Variants in LRP12 observed in about 807,000 individuals in gnomAD.
LRP12 encodes the protein low-density lipoprotein receptor-related protein 12.
LRP12 carries 14 observed loss-of-function variants against 66.0 expected under a neutral mutation model. That is an observed-to-expected ratio of 0.21 (90% CI 0.14 to 0.33). The LOEUF is 0.33. Ranked by LOEUF, LRP12 falls within the 10% of genes least tolerant of loss-of-function variation. The probability of loss-of-function intolerance (pLI) is 1.00; values close to 1 mark genes in which losing one functional copy is unlikely to be tolerated. For synonymous variants in LRP12, 357 were observed against 359.1 expected, an observed-to-expected ratio of 0.99 and a Z score of 0.07; for missense variants, 889 against 1,053.4, an observed-to-expected ratio of 0.84 and a Z score of 2.16.
chr8:104,489,623 G>A lies in LRP12; in HGVS notation c.*1050C>T, dbSNP rs1257981422. 1 of 151,976 alleles carries A rather than the reference G, an allele frequency of 6.6e-6. No homozygotes were observed. The highest frequency in any genetic ancestry group is 1.5e-5 in the Non-Finnish European group (1 of 67,978). 9.4% of individuals were successfully genotyped at this position (151,976 alleles called of 1,614,324 possible). ...TTGAAAAAATCACTCTTACAACAAT[G>A]TATTTTTTAAATACAACAAATAAAT... On this transcript the variant is annotated 3_prime_UTR_variant, in exon 7 of 7. Coordinates refer to ENST00000276654, the MANE Select transcript of LRP12 (RefSeq NM_013437.5).
chr8:104,574,407 T>C (rs546122801), intron 1 of LRP12, among the ~76,000 whole-genome samples: 2 of 152,340 alleles, frequency 1.3e-5, no homozygotes, highest in South Asian at 4.1e-4. Flanking sequence ...AGAATTATCT[T>C]ATGCTAATAT....
At chr8:104,548,415 A>C (rs1564142362) in intron 1 of LRP12, among the ~76,000 whole-genome samples, 18 of 107,868 alleles carry the variant, frequency 1.7e-4, no homozygotes, top group African/African-American at 7.1e-4. Context: ...TATATGATAT[A>C]TTAATAATTA....
At chr8:104,537,711 CAT>C (rs531441698) in intron 1 of LRP12, among the ~76,000 whole-genome samples, 299 of 152,090 alleles carry the variant, frequency 2.0e-3, no homozygotes, top group African/African-American at 7.0e-3. Context: ...TCAAGATGAA[CAT>C]ATAGATATAT....
intron 1 of LRP12, among the ~76,000 whole-genome samples, chr8:104,543,412 C>T (rs1811508465): frequency 6.6e-6 from 1 of 152,004 alleles, no homozygotes; most frequent in African/African-American, 2.4e-5. Context: ...CTTTGAGGTG[C>T]CATAACATGA....
chr8:104,588,999 G>GCCT lies in LRP12; in HGVS notation c.-103_-102insAGG. On this transcript the variant is annotated 5_prime_UTR_variant, in exon 1 of 7. Coordinates refer to ENST00000276654, the MANE Select transcript of LRP12 (RefSeq NM_013437.5). The stretch of plus-strand genomic sequence containing the variant: ...CGCCGCCGCCGCCGCCGCCGCCGCC[G>GCCT]AGCCACCGGCTGCTCCCTGCGCTCT... The GCCT allele has an allele frequency of 1.1e-6, 1 of 870,464 alleles. No individual in the cohort carries two copies. Among genetic ancestry groups the GCCT allele is most frequent in the South Asian group, 1.8e-5 (1 of 56,182 alleles). 53.9% of individuals were successfully genotyped at this position (870,464 alleles called of 1,614,324 possible).
intron 1 of LRP12, among the ~76,000 whole-genome samples, chr8:104,548,388 A>C (rs1433622889): frequency 1.2e-5 from 1 of 81,886 alleles, no homozygotes; most frequent in Non-Finnish European, 2.0e-5. Flanking sequence ...ATAAATATAT[A>C]ATATATATTA....
intron 1 of LRP12, among the ~76,000 whole-genome samples, chr8:104,542,514 T>C (rs908206682): frequency 1.3e-5 from 2 of 152,214 alleles, no homozygotes; most frequent in African/African-American, 4.8e-5. Context: ...GACAGTCTAA[T>C]TTACCTATGT....
intron 1 of LRP12, among the ~76,000 whole-genome samples, chr8:104,542,143 T>A (rs1811487963): frequency 6.6e-6 from 1 of 152,172 alleles, no homozygotes; most frequent in South Asian, 2.1e-4. Context: ...TTTCTCCACA[T>A]CCTTGACAAC....
chr8:104,561,682 G>A (rs1389691390), intron 1 of LRP12, among the ~76,000 whole-genome samples: 4 of 152,084 alleles, frequency 2.6e-5, no homozygotes, highest in Non-Finnish European at 5.9e-5. Flanking sequence ...TATAAACCAA[G>A]GAGTTTTTAT....
intron 1 of LRP12, among the ~76,000 whole-genome samples, chr8:104,586,059 G>A (rs574752307): frequency 6.6e-6 from 1 of 152,238 alleles, no homozygotes; most frequent in African/African-American, 2.4e-5. Context: ...AAAGGTGGCA[G>A]AGGTCAACCT....
rs1264499772 is a variant in LRP12 at position 104,516,258 on chromosome 8, G to T, written c.137-7184C>A. The stretch of plus-strand genomic sequence containing the variant: ...AGATAGCAACTTTCAAACGTAGATA[G>T]CATCTTCTTAGTAGGAACCTACAGG... On this transcript the variant is annotated intron_variant, in intron 2 of 6. Transcript: ENST00000276654. Among the ~76,000 whole-genome samples the T allele has an allele frequency of 2.6e-5, 4 of 152,046 alleles. No individual in the cohort carries two copies. In the South Asian group the frequency reaches 6.2e-4, roughly 24 times the overall value.
intron 1 of LRP12, among the ~76,000 whole-genome samples, chr8:104,544,938 C>T (rs1446681806): frequency 3.9e-5 from 6 of 152,138 alleles, no homozygotes; most frequent in Admixed American, 1.3e-4. Flanking sequence ...GCTGCCACAG[C>T]GAGTCCTCTG....
Position 104,547,224 on chromosome 8 carries a change from T to C in LRP12, c.80-15261A>G, listed in dbSNP as rs1386708723. Among the ~76,000 whole-genome samples, 4 of 136,548 alleles carry C rather than the reference T, an allele frequency of 2.9e-5. No homozygotes were observed. In the East Asian group the frequency reaches 8.3e-4, roughly 28 times the overall value. The allele number at this position is 136,548 out of a possible 152,430, so 89.6% of individuals were successfully genotyped here. The stretch of plus-strand genomic sequence containing the variant: ...TTTTGTATATAATATACAATTCTGT[T>C]ATATTTTGTATATAATATACAATTC... On this transcript the variant is annotated intron_variant, in intron 1 of 6. Coordinates refer to ENST00000276654, the MANE Select transcript of LRP12 (RefSeq NM_013437.5).
At position 104,546,971 on chromosome 8, in the gene LRP12, T is replaced by C. The variant is rs180931611; in HGVS notation, c.80-15008A>G. On this transcript the variant is annotated intron_variant, in intron 1 of 6. Coordinates refer to ENST00000276654, the MANE Select transcript of LRP12 (RefSeq NM_013437.5). ...ATAATATATAATTATATATCATATATAATTCTATACATTTTGTATATAATA... is the reference window on the plus strand; with the variant it reads ...ATAATATATAATTATATATCATATACAATTCTATACATTTTGTATATAATA... 1.4e-5 allele frequency among the ~76,000 whole-genome samples: 2 copies of C among 145,362 alleles called. 1 individual carries two copies. The highest frequency in any genetic ancestry group is 1.4e-4 in the Admixed American group (2 of 14,310).
chr8:104,573,659 C>T (rs1383209831), intron 1 of LRP12, among the ~76,000 whole-genome samples: 2 of 151,876 alleles, frequency 1.3e-5, no homozygotes, highest in South Asian at 2.1e-4. Context: ...TAAACAATCA[C>T]TTACTTCTCT....
chr8:104,581,967 T>C (rs79211898), intron 1 of LRP12, among the ~76,000 whole-genome samples: 5,499 of 152,286 alleles, frequency 0.036, 179 homozygotes, highest in South Asian at 0.075. Flanking sequence ...CTTCAAAATA[T>C]ATCAGATACA....
intron 1 of LRP12, among the ~76,000 whole-genome samples, chr8:104,576,622 GA>G (rs1390152114): frequency 6.6e-6 from 1 of 152,140 alleles, no homozygotes; most frequent in Non-Finnish European, 1.5e-5. Context: ...CTAAACATGG[GA>G]AGGAAGGACC....
At chr8:104,566,277 TA>T in intron 1 of LRP12, 2 of 415,944 alleles carry the variant, frequency 4.8e-6, no homozygotes, top group Non-Finnish European at 8.1e-6. Flanking sequence ...AACCAGATGT[TA>T]AAAAATTAGG....
intron 1 of LRP12, among the ~76,000 whole-genome samples, chr8:104,547,942 A>G (rs1397640267): frequency 7.8e-6 from 1 of 127,894 alleles, no homozygotes; most frequent in Non-Finnish European, 1.6e-5. Flanking sequence ...ATTCAATGTT[A>G]TATTTTGTAT....
Sources: gnomAD v4.1 joint callset for allele counts (sites outside exome capture counted in the v4.1 genomes callset) on GRCh38, gnomAD v4.1.1 for gene constraint, MANE v1.5 for transcripts, NCBI Gene and HGNC (gene_info 2026-07-23, HGNC 2026-07-21) for gene names.